The following KALRN variants were observed in gnomAD, a reference collection of about 807,000 sequenced individuals.
KALRN encodes the protein kalirin RhoGEF kinase.
In KALRN, 70 loss-of-function variants were observed where a neutral mutation model predicts 353.7. The ratio of observed to expected loss-of-function variants is 0.20; its 90% confidence interval spans 0.16 to 0.24. The LOEUF (loss-of-function observed/expected upper bound fraction) is 0.24. Ranked by LOEUF, KALRN falls within the 10% of genes least tolerant of loss-of-function variation. The probability of loss-of-function intolerance (pLI) is 1.00; values close to 1 mark genes in which losing one functional copy is unlikely to be tolerated. For synonymous variants in KALRN, 1,391 were observed against 1,434.8 expected (o/e 0.97, Z 0.69); for missense variants, 2,791 against 3,756.7 (o/e 0.74, Z 6.72).
intron 10 of KALRN, among the ~76,000 whole-genome samples, chr3:124,375,350 G>T (rs1399045457): frequency 6.6e-6 from 1 of 152,150 alleles, no homozygotes. Context: ...TTTGTCTCAG[G>T]AAGCAGCTCT....
At chr3:124,550,992 A>G (rs985072617) in intron 33 of KALRN, among the ~76,000 whole-genome samples, 41 of 152,080 alleles carry the variant, frequency 2.7e-4, no homozygotes, top group African/African-American at 9.9e-4. Flanking sequence ...CCGTCTCAAA[A>G]TAAATAAATA....
intron 28 of KALRN, 91 bp downstream of exon 28, chr3:124,482,991 C>T (rs905301327): frequency 1.2e-6 from 1 of 851,018 alleles, no homozygotes; most frequent in Non-Finnish European, 2.0e-6. Flanking sequence ...GGAATGCTTC[C>T]ACCTGAAGAC....
chr3:124,073,859 C>G (rs2060135776), intron 1 of KALRN, among the ~76,000 whole-genome samples: 1 of 152,082 alleles, frequency 6.6e-6, no homozygotes, highest in South Asian at 2.1e-4. Flanking sequence ...GCAGGTGACA[C>G]AACATAGAAG....
intron 11 of KALRN, among the ~76,000 whole-genome samples, chr3:124,393,483 A>C (rs1266092579): frequency 6.6e-6 from 1 of 152,212 alleles, no homozygotes; most frequent in African/African-American, 2.4e-5. Context: ...ATCCCAGCTT[A>C]TATGGTCTGG....
At chr3:124,298,583 C>CTGCT (rs1368088666) in intron 5 of KALRN, among the ~76,000 whole-genome samples, 1 of 152,068 alleles carries the variant, frequency 6.6e-6, no homozygotes, top group Non-Finnish European at 1.5e-5. Flanking sequence ...AACACAGCGG[C>CTGCT]TGCTGGTGGG....
intron 6 of KALRN, among the ~76,000 whole-genome samples, chr3:124,317,118 G>A (rs2078887878): frequency 6.6e-6 from 1 of 152,172 alleles, no homozygotes; most frequent in South Asian, 2.1e-4. Flanking sequence ...GGGCCCAATG[G>A]GAAAGCTTCA....
At chr3:124,323,400 G>A (rs1278851328) in intron 6 of KALRN, among the ~76,000 whole-genome samples, 2 of 152,158 alleles carry the variant, frequency 1.3e-5, no homozygotes, top group Admixed American at 1.3e-4. Context: ...GAGCCCCTGT[G>A]GGCAGGGGGT....
chr3:124,511,000 G>A (rs943807411), intron 33 of KALRN, among the ~76,000 whole-genome samples: 23 of 151,950 alleles, frequency 1.5e-4, no homozygotes, highest in African/African-American at 3.9e-4. Flanking sequence ...GCTCTAGGGT[G>A]GAAACACGGC....
chr3:124,386,388 A>C (rs2088319781), intron 11 of KALRN, among the ~76,000 whole-genome samples: 1 of 152,126 alleles, frequency 6.6e-6, no homozygotes, highest in Admixed American at 6.5e-5. Flanking sequence ...CATGTTCCTC[A>C]TGAGGGCTGC....
chr3:124,296,121 A>G (rs1019086459), intron 5 of KALRN, among the ~76,000 whole-genome samples: 93 of 152,300 alleles, frequency 6.1e-4, no homozygotes, highest in East Asian at 3.9e-4. Context: ...TGCCTTTGGA[A>G]GGTGATGTTT....
At chr3:124,387,216 C>G (rs928243083) in intron 11 of KALRN, among the ~76,000 whole-genome samples, 11 of 152,168 alleles carry the variant, frequency 7.2e-5, no homozygotes, top group Non-Finnish European at 1.0e-4. Context: ...TCCCGGATAT[C>G]TCTCAAATCT....
chr3:124,474,553 G>A (rs2061261902), intron 25 of KALRN, 110 bp from the exon 26 acceptor site: 6 of 811,608 alleles, frequency 7.4e-6, no homozygotes, highest in South Asian at 2.9e-5. Flanking sequence ...AGACAGTAGA[G>A]AAGCCATGTA....
chr3:124,272,129 A>G (rs2074233523), intron 5 of KALRN, among the ~76,000 whole-genome samples: 1 of 152,238 alleles, frequency 6.6e-6, no homozygotes, highest in Admixed American at 6.5e-5. Flanking sequence ...ATAAACCTGC[A>G]TATGTATCCC....
chr3:124,427,537 A>G (rs1020841903), intron 15 of KALRN, among the ~76,000 whole-genome samples: 13 of 152,234 alleles, frequency 8.5e-5, no homozygotes, highest in African/African-American at 3.1e-4. Context: ...CAGCCTGCCC[A>G]GCTTAAATGG....
intron 13 of KALRN, among the ~76,000 whole-genome samples, chr3:124,405,934 A>G (rs1267372717): frequency 1.3e-5 from 2 of 152,160 alleles, no homozygotes; most frequent in Non-Finnish European, 2.9e-5. Flanking sequence ...GTGAGCCACC[A>G]CACCTGGCCA....
At chr3:124,258,385 A>G (rs894873631) in intron 3 of KALRN, among the ~76,000 whole-genome samples, 3 of 152,232 alleles carry the variant, frequency 2.0e-5, no homozygotes, top group African/African-American at 7.2e-5. Context: ...GTCTCTCTGC[A>G]GCATTTGACA....
chr3:124,455,560 A>C (rs1031971150), intron 22 of KALRN, among the ~76,000 whole-genome samples: 1 of 152,156 alleles, frequency 6.6e-6, no homozygotes, highest in Non-Finnish European at 1.5e-5. Context: ...GTCCCCTGTG[A>C]TTAGTACTCT....
chr3:124,652,650 C>T (rs991947768), intron 38 of KALRN, among the ~76,000 whole-genome samples: 4 of 152,148 alleles, frequency 2.6e-5, no homozygotes, highest in Non-Finnish European at 5.9e-5. Flanking sequence ...TATCTCGGCT[C>T]ACTGCAAGCT....
intron 10 of KALRN, 55 bp downstream of exon 10, chr3:124,347,320 G>GTGTC: frequency 2.0e-6 from 3 of 1,515,420 alleles, no homozygotes; most frequent in Admixed American, 3.6e-5. Context: ...GTGTGTGTGT[G>GTGTC]TCTAGATGAG....
Sources: allele counts gnomAD v4.1 joint callset (sites outside exome capture counted in the v4.1 genomes callset), GRCh38; gene constraint gnomAD v4.1.1; transcripts MANE v1.5; gene names NCBI Gene and HGNC (gene_info 2026-07-23, HGNC 2026-07-21).